IRF9: variants seen among roughly 807,000 people sequenced by gnomAD.
IRF9 encodes IFN-alpha-responsive transcription factor subunit.
A neutral mutation model predicts 44.1 loss-of-function variants in IRF9; 13 were observed. The ratio of observed to expected loss-of-function variants is 0.29; its 90% CI spans 0.19 to 0.47. IRF9 has a LOEUF of 0.47. Among genes scored for constraint, IRF9 ranks in the 20% least tolerant of loss-of-function variants. IRF9 has a pLI of 1.00. For synonymous variants in IRF9, 189 were observed against 188.5 expected, an observed-to-expected ratio of 1.00 and a Z score of -0.02; for missense variants, 373 against 496.1, an observed-to-expected ratio of 0.75 and a Z score of 2.36.
In IRF9 at chr14:24,162,174, A is replaced by G. The variant is rs1435165287; in HGVS notation, c.30A>G (p.Arg10=). 1 of 1,614,108 alleles carries G rather than the reference A, an allele frequency of 6.2e-7. No homozygotes were observed. The highest frequency in any genetic ancestry group is 1.7e-5 in the Admixed American group (1 of 60,008). Residue 10 remains arginine (R), a synonymous_variant, in exon 2 of 9, where the codon CGA becomes CGG. Coordinates refer to ENST00000396864, the MANE Select transcript of IRF9 (RefSeq NM_006084.5). ...CATCAGGCAGGGCACGCTGCACCCG[A>G]AAACTCCGGAACTGGGTGGTGGAGC... MASGRARCT[R]KLRNWVVEQV...
chr14:24,165,874 GC>G lies in IRF9; in HGVS notation c.1025del (p.Pro342HisfsTer6). On this transcript the variant is annotated frameshift_variant, in exon 8 of 9. Transcript: ENST00000396864. LOFTEE classifies it high-confidence loss of function. Reference sequence around the variant, plus strand: ...TTGGTCAGGTACTTTCAGGGCCTGGGCCCCCCACCGAAGTTCCAGGTAACAC... The same window carrying G: ...TTGGTCAGGTACTTTCAGGGCCTGGGCCCCCACCGAAGTTCCAGGTAACAC... Reference protein sequence around the residue: ...RDLVRYFQGLGPPPKFQVTLN... With the variant: ...RDLVRYFQGLXPPPKFQVTLN... 1 of 1,614,000 alleles carries G rather than the reference GC, an allele frequency of 6.2e-7. No individual in the cohort carries two copies. Among genetic ancestry groups the G allele is most frequent in the Non-Finnish European group, 8.5e-7 (1 of 1,179,926 alleles).
chr14:24,162,062 C>T, intron 1 of IRF9, 82 bp from the exon 2 acceptor site: 7 of 1,335,872 alleles, frequency 5.2e-6, no homozygotes, highest in Non-Finnish European at 7.3e-6. Flanking sequence ...TTGCCAGAAT[C>T]TAGTCTCAAT....
Position 24,164,023 on chromosome 14 carries a change from G to C in IRF9, c.578-40G>C. 1 of 1,613,420 alleles carries C rather than the reference G, an allele frequency of 6.2e-7. No homozygotes were observed. The highest frequency in any genetic ancestry group is 8.5e-7 in the Non-Finnish European group (1 of 1,179,448). ...ACACCCTCTGGCCCAAGACTCCCCAGTCCCACTCTGAATGACCAGTGCCTT... is the reference window on the plus strand; with the variant it reads ...ACACCCTCTGGCCCAAGACTCCCCACTCCCACTCTGAATGACCAGTGCCTT... On this transcript the variant is annotated intron_variant, in intron 5 of 8. Transcript: ENST00000396864. The surrounding 1 kb of genome is among the most constrained non-coding windows in gnomAD (Gnocchi z 5.2).
chr14:24,164,930 C>T lies in IRF9; in HGVS notation c.966C>T (p.Leu322=), dbSNP rs766884116. 8.1e-6 allele frequency: 13 copies of T among 1,612,288 alleles called. No individual in the cohort carries two copies. Among genetic ancestry groups the T allele is most frequent in the Non-Finnish European group, 1.1e-5 (13 of 1,179,372 alleles). Residue 322 remains leucine, a synonymous_variant, in exon 7 of 9, where the codon CTC becomes CTT. Coordinates refer to ENST00000396864, the MANE Select transcript of IRF9 (RefSeq NM_006084.5). This position sits in a 1 kb window ranked among gnomAD's most constrained non-coding sequence, Gnocchi z 5.2. ...TGCCCAGCAACGAGTGCGTGGAGCT[C>T]TTCAGAACCGCCTACTTCTGCAGAG... ...HLLPSNECVE[L]FRTAYFCRDL... is the part of the protein sequence containing the mutation.
In IRF9 at chr14:24,164,529, G is replaced by A; in HGVS notation, c.650-85G>A. ...GGAAGCCCCCTGGCTGGTGTGGGGAGGGGAGGTGGAGTTGTTCCCCTGGGG... is the reference window on the plus strand; with the variant it reads ...GGAAGCCCCCTGGCTGGTGTGGGGAAGGGAGGTGGAGTTGTTCCCCTGGGG... On this transcript the variant is annotated intron_variant, in intron 6 of 8. Coordinates refer to ENST00000396864, the MANE Select transcript of IRF9 (RefSeq NM_006084.5). The surrounding 1 kb of genome is among the most constrained non-coding windows in gnomAD (Gnocchi z 5.2). The A allele has an allele frequency of 7.7e-7, 1 of 1,304,142 alleles. No homozygotes were observed. The highest frequency in any genetic ancestry group is 1.1e-6 in the Non-Finnish European group (1 of 940,738). 80.8% of individuals were successfully genotyped at this position (1,304,142 alleles called of 1,614,324 possible). A position where few individuals can be genotyped will look rare whatever the true frequency, so the allele number is the denominator to read the frequency against.
In IRF9 at chr14:24,161,285, C is replaced by T. The variant is rs1274330789; in HGVS notation, c.-55C>T. ...GGGGCGGAGAGATCAGCCGCCCAGC[C>T]AGGAGTTAAGCTGAGGTCGTCTGAG... On this transcript the variant is annotated 5_prime_UTR_variant, in exon 1 of 9. Transcript: ENST00000396864. 1 of 152,312 alleles carries T rather than the reference C, an allele frequency of 6.6e-6. No individual in the cohort carries two copies. Among genetic ancestry groups the T allele is most frequent in the African/African-American group, 2.4e-5 (1 of 41,444 alleles). The allele number at this position is 152,312 out of a possible 1,614,324, so 9.4% of individuals were successfully genotyped here. A position where few individuals can be genotyped will look rare whatever the true frequency, so the allele number is the denominator to read the frequency against.
Position 24,166,379 on chromosome 14 carries a change from C to T in IRF9, c.*183C>T. ...GGAGAACTCAAGGCTAATTTTTTAT[C>T]CTTTTTTTTTTTTAATTTTGAGATA... On this transcript the variant is annotated 3_prime_UTR_variant, in exon 9 of 9. Transcript: ENST00000396864. The T allele has an allele frequency of 1.8e-6, 1 of 569,696 alleles. No individual in the cohort carries two copies. The highest frequency in any genetic ancestry group is 3.1e-5 in the East Asian group (1 of 32,740). 35.3% of individuals were successfully genotyped at this position (569,696 alleles called of 1,614,324 possible).
chr14:24,162,389 ATCCTC>A, intron 2 of IRF9, 65 bp downstream of exon 2: 2 of 1,474,844 alleles, frequency 1.4e-6, no homozygotes, highest in Non-Finnish European at 9.2e-7. Context: ...TGGTACACTC[ATCCTC>A]GAGCACTTGC....
chr14:24,165,067 T>C, intron 7 of IRF9, 112 bp downstream of exon 7: 1 of 944,604 alleles, frequency 1.1e-6, no homozygotes, highest in African/African-American at 1.6e-5. Context: ...ATCCTCCATG[T>C]AGCCTATGCA....
chr14:24,162,876 C>G, intron 2 of IRF9, 90 bp from the exon 3 acceptor site: 3 of 1,000,604 alleles, frequency 3.0e-6, no homozygotes, highest in Non-Finnish European at 4.5e-6. Flanking sequence ...CTTCTGAGCT[C>G]AGAGCTGCAC....
intron 2 of IRF9, 193 bp downstream of exon 2, chr14:24,162,517 A>G: frequency 3.4e-6 from 2 of 592,214 alleles, no homozygotes; most frequent in South Asian, 4.5e-5. Context: ...TTTTAGGGAT[A>G]TTGGCCAGGC....
At position 24,166,427 on chromosome 14, in the gene IRF9, G is replaced by A; in HGVS notation, c.*231G>A. 3.5e-6 allele frequency: 2 copies of A among 573,790 alleles called. No individual in the cohort carries two copies. The highest frequency in any genetic ancestry group is 4.6e-5 in the South Asian group (2 of 43,252). The allele number at this position is 573,790 out of a possible 1,614,324, so 35.5% of individuals were successfully genotyped here. On this transcript the variant is annotated 3_prime_UTR_variant, in exon 9 of 9. Coordinates refer to ENST00000396864, the MANE Select transcript of IRF9 (RefSeq NM_006084.5). ...ATATACGCCCTCTTTCATCTGTAAG[G>A]GACTAGGAAATTCCAAATGGTGTGA...
At chr14:24,165,306 C>T (rs1326506114) in intron 7 of IRF9, 13 of 663,084 alleles carry the variant, frequency 2.0e-5, no homozygotes, top group African/African-American at 1.4e-4. Context: ...CCTTCTCCTA[C>T]GTACACACAT....
At chr14:24,165,668 C>G (rs1239611848) in intron 7 of IRF9, 179 bp from the exon 8 acceptor site, 28 of 591,344 alleles carry the variant, frequency 4.7e-5, no homozygotes, top group Middle Eastern at 4.5e-4. Flanking sequence ...CAGGGGCACC[C>G]TTTCCTATTT....
In IRF9 at chr14:24,164,138, C is replaced by T. The variant is rs769393072; in HGVS notation, c.649+4C>T. The T allele has an allele frequency of 2.0e-5, 32 of 1,613,458 alleles. No homozygotes were observed. The East Asian group carries it at 4.9e-4, about 25-fold the overall frequency. On this transcript the variant is annotated splice_donor_region_variant and intron_variant, in intron 6 of 8. Transcript: ENST00000396864. The surrounding 1 kb of genome is among the most constrained non-coding windows in gnomAD (Gnocchi z 5.2). ...TTTCTGCTTCCTCCAGAGCCAGGTACGTGGCATTTCTGACTTTCTCCTGTG... is the reference window on the plus strand; with the variant it reads ...TTTCTGCTTCCTCCAGAGCCAGGTATGTGGCATTTCTGACTTTCTCCTGTG...
At chr14:24,165,330 CA>C in intron 7 of IRF9, 1 of 644,374 alleles carries the variant, frequency 1.6e-6, no homozygotes, top group East Asian at 2.7e-5. Context: ...GGAGAGCTGG[CA>C]CACATCACAC....
In IRF9 at chr14:24,164,081, C is replaced by T. The variant is rs1025449839; in HGVS notation, c.596C>T (p.Ala199Val). Residue 199 changes from alanine to valine, a missense_variant, in exon 6 of 9, where the codon GCC (alanine) becomes GTC (valine). Ala to Val is a moderately conservative substitution (Grantham distance 64, BLOSUM62 0). This residue lies in a region of IRF9 where 227 missense variants were observed against 255.3 expected (regional missense o/e 0.89). Coordinates refer to ENST00000396864, the MANE Select transcript of IRF9 (RefSeq NM_006084.5). This position sits in a 1 kb window ranked among gnomAD's most constrained non-coding sequence, Gnocchi z 5.2. ...CTTCCAGTTACAGACACAACTGAGG[C>T]CCCCTTTCAAGGGGATCAGAGGTCC... is the stretch of plus-strand genomic sequence containing the variant. ...EPQEVTDTTE[A>V]PFQGDQRSLE... The T allele has an allele frequency of 6.2e-7, 1 of 1,614,014 alleles. No individual in the cohort carries two copies. Among genetic ancestry groups the T allele is most frequent in the Admixed American group, 1.7e-5 (1 of 60,002 alleles).
chr14:24,164,632 C>T lies in IRF9; in HGVS notation c.668C>T (p.Thr223Ile), dbSNP rs766387218. Residue 223 changes from threonine (T) to isoleucine (I), a missense_variant, in exon 7 of 9, where the codon ACC becomes ATC. Thr to Ile is a moderately conservative substitution (Grantham distance 89, BLOSUM62 -1). Transcript: ENST00000396864. This position sits in a 1 kb window ranked among gnomAD's most constrained non-coding sequence, Gnocchi z 5.2. ...TCCCCAGACTACTCACTGCTGCTCA[C>T]CTTCATCTACAACGGGCGCGTGGTG... ...PPEPDYSLLL[T>I]FIYNGRVVGE... 2 of 1,606,044 alleles carry T rather than the reference C, an allele frequency of 1.2e-6. No individual in the cohort carries two copies. Among genetic ancestry groups the T allele is most frequent in the Non-Finnish European group, 1.7e-6 (2 of 1,174,686 alleles).
intron 7 of IRF9, 37 bp from the exon 8 acceptor site, chr14:24,165,810 T>C (rs1490474097): frequency 2.7e-6 from 4 of 1,487,934 alleles, no homozygotes; most frequent in Non-Finnish European, 3.7e-6. Context: ...CTCTCTCTTC[T>C]TTTTGTTCTT....
Sources: allele counts gnomAD v4.1 joint callset, GRCh38; gene constraint gnomAD v4.1.1; regional missense constraint gnomAD v4.1.1; non-coding constraint Gnocchi (gnomAD v3.1); transcripts MANE v1.5; gene names NCBI Gene and HGNC (gene_info 2026-07-23, HGNC 2026-07-21).